Variants in RYR2 observed in about 807,000 individuals in gnomAD.
RYR2 encodes cardiac muscle ryanodine receptor-calcium release channel.
Under a neutral mutation model 601.1 loss-of-function variants are expected in RYR2, and 227 were observed. The observed-to-expected ratio is 0.38, with a 90% CI of 0.34 to 0.42. The LOEUF (loss-of-function observed/expected upper bound fraction) is 0.42, where lower values mean the gene tolerates loss of function less well. Ranked by LOEUF, RYR2 falls within the 10% of genes least tolerant of loss-of-function variation. The pLI, the probability that RYR2 is intolerant of heterozygous loss-of-function variation, is 1.00. For synonymous variants in RYR2, 2,223 were observed against 2,175.1 expected (o/e 1.02, Z -0.61); for missense variants, 4,646 against 6,156.5 (o/e 0.75, Z 8.21).
chr1:237,461,852 G>A (rs1383564377), intron 16 of RYR2, among the ~76,000 whole-genome samples: 1 of 150,794 alleles, frequency 6.6e-6, no homozygotes, highest in Non-Finnish European at 1.5e-5. Context: ...TTTTTTTAAT[G>A]TTTTTGAGTT....
intron 3 of RYR2, among the ~76,000 whole-genome samples, chr1:237,338,818 C>A (rs955432531): frequency 6.6e-6 from 1 of 152,118 alleles, no homozygotes; most frequent in Non-Finnish European, 1.5e-5. Flanking sequence ...GTTGTGTCCA[C>A]GCTAGTTGAG....
chr1:237,640,350 G>A (rs920024949), intron 46 of RYR2, among the ~76,000 whole-genome samples: 2 of 152,200 alleles, frequency 1.3e-5, no homozygotes, highest in South Asian at 4.1e-4. Context: ...GCAGAGATGG[G>A]GAGGGAGATA....
At chr1:237,081,281 A>T (rs71533599) in intron 1 of RYR2, among the ~76,000 whole-genome samples, 5,148 of 35,874 alleles carry the variant, frequency 0.14, 263 homozygotes, top group African/African-American at 0.27. Flanking sequence ...AGAGTATAAT[A>T]AAAAAAAAAA....
chr1:237,814,774 C>T (rs1005128153), intron 100 of RYR2, among the ~76,000 whole-genome samples: 1 of 152,016 alleles, frequency 6.6e-6, no homozygotes, highest in Non-Finnish European at 1.5e-5. Context: ...CCCCCTGAAC[C>T]AGAGGCTGCA....
chr1:237,262,752 A>C (rs1440851379), intron 1 of RYR2, among the ~76,000 whole-genome samples: 1 of 152,204 alleles, frequency 6.6e-6, no homozygotes, highest in Non-Finnish European at 1.5e-5. Context: ...GATAAGATAC[A>C]TATAGTGAGC....
intron 49 of RYR2, among the ~76,000 whole-genome samples, 190 bp from the exon 50 acceptor site, chr1:237,649,687 A>T (rs1682528415): frequency 6.6e-6 from 1 of 152,182 alleles, no homozygotes. Context: ...TGAACAATGG[A>T]TAGTTGATTG....
At chr1:237,196,859 C>A (rs2149027959) in intron 1 of RYR2, among the ~76,000 whole-genome samples, 1 of 152,256 alleles carries the variant, frequency 6.6e-6, no homozygotes, top group East Asian at 1.9e-4. Flanking sequence ...AATTTGGGAG[C>A]AGTTCATAAC....
intron 1 of RYR2, among the ~76,000 whole-genome samples, chr1:237,055,119 T>G (rs1230467580): frequency 3.9e-5 from 6 of 152,176 alleles, no homozygotes; most frequent in Non-Finnish European, 7.3e-5. Flanking sequence ...CTCTCTTCAG[T>G]TAAACCCTTG....
chr1:237,678,376 A>G (rs1207192492), intron 61 of RYR2, among the ~76,000 whole-genome samples: 1 of 152,038 alleles, frequency 6.6e-6, no homozygotes, highest in East Asian at 1.9e-4. Context: ...TTTTTGTTTT[A>G]TCATATGATA....
chr1:237,832,179 C>T (rs1396557833), intron 104 of RYR2, among the ~76,000 whole-genome samples: 2 of 151,658 alleles, frequency 1.3e-5, no homozygotes, highest in Non-Finnish European at 2.9e-5. Flanking sequence ...CCTGAAACTA[C>T]AGGCATGCAC....
intron 12 of RYR2, among the ~76,000 whole-genome samples, chr1:237,438,605 A>C (rs149202601): frequency 3.5e-4 from 53 of 152,334 alleles, no homozygotes; most frequent in African/African-American, 1.2e-3. Context: ...GAATTTGGAT[A>C]ATTTTTTTAC....
chr1:237,404,152 G>T (rs1160196686), intron 10 of RYR2, among the ~76,000 whole-genome samples: 1 of 152,168 alleles, frequency 6.6e-6, no homozygotes, highest in Non-Finnish European at 1.5e-5. Flanking sequence ...TAATCGGGAG[G>T]CTGAGGTGGG....
At chr1:237,627,496 G>A (rs1679798545) in intron 40 of RYR2, among the ~76,000 whole-genome samples, 1 of 152,092 alleles carries the variant, frequency 6.6e-6, no homozygotes, top group African/African-American at 2.4e-5. Context: ...TATATTAATT[G>A]CCATACCTTC....
rs773748242 is a variant in RYR2 at position 237,660,038 on chromosome 1, G to T, written c.8262G>T (p.Gln2754His). The T allele has an allele frequency of 1.1e-5, 17 of 1,585,538 alleles. No individual in the cohort carries two copies. Among genetic ancestry groups the T allele is most frequent in the Non-Finnish European group, 1.5e-5 (17 of 1,168,758 alleles). The change falls in exon 55 of 105, where the codon CAG becomes CAT. Residue 2754 changes from glutamine to histidine, a missense_variant. This residue lies in a region of RYR2 where 1,497 missense variants were observed against 1,842.6 expected (regional missense o/e 0.81). Transcript: ENST00000366574. The stretch of plus-strand genomic sequence containing the variant: ...TATATTCAGACTCTTCTAAGGTTCA[G>T]CCATTAATGAAGCCATATAAGCTAT... ...GEIYSDSSKV[Q>H]PLMKPYKLLS... is the part of the protein sequence containing the mutation.
At chr1:237,379,671 C>G (rs969544657) in intron 8 of RYR2, among the ~76,000 whole-genome samples, 6 of 151,786 alleles carry the variant, frequency 4.0e-5, no homozygotes, top group African/African-American at 1.5e-4. Context: ...GCCCTGTGGC[C>G]CAGGCTGGAG....
chr1:237,798,468 A>AAAAC (rs1171377891), intron 97 of RYR2, among the ~76,000 whole-genome samples: 5 of 152,186 alleles, frequency 3.3e-5, no homozygotes, highest in Admixed American at 6.5e-5. Context: ...AAATCTAAGT[A>AAAAC]AAACACATGC....
intron 1 of RYR2, among the ~76,000 whole-genome samples, chr1:237,170,926 G>A (rs746366189): frequency 6.6e-6 from 1 of 152,186 alleles, no homozygotes; most frequent in Non-Finnish European, 1.5e-5. Context: ...AGTAGTTCTA[G>A]TTCCTGGAGG....
intron 33 of RYR2, among the ~76,000 whole-genome samples, chr1:237,593,967 C>T (rs1675524155): frequency 6.6e-6 from 1 of 152,122 alleles, no homozygotes; most frequent in Non-Finnish European, 1.5e-5. Flanking sequence ...CGGCTTTTAA[C>T]CAATGACTTG....
chr1:237,594,885 G>GGTTTTTTTTGTTTTTTTTTTTTTTTTTT (rs773047111), intron 33 of RYR2, among the ~76,000 whole-genome samples: 1 of 79,048 alleles, frequency 1.3e-5, no homozygotes, highest in African/African-American at 7.2e-5. Flanking sequence ...AATATCACTG[G>GGTTTTTTTTGTTTTTTTTTTTTTTTTTT]GTTTTTTTTT....
Sources: allele counts gnomAD v4.1 joint callset (sites outside exome capture counted in the v4.1 genomes callset), GRCh38; gene constraint gnomAD v4.1.1; regional missense constraint gnomAD v4.1.1; transcripts MANE v1.5; gene names NCBI Gene and HGNC (gene_info 2026-07-23, HGNC 2026-07-21).